Variants in HECTD3 observed in about 807,000 individuals in gnomAD.
HECTD3 encodes the protein E3 ubiquitin-protein ligase HECTD3.
Under a neutral mutation model 109.3 loss-of-function variants are expected in HECTD3, and 72 were observed. The ratio of observed to expected loss-of-function variants is 0.66; its 90% CI spans 0.54 to 0.80. HECTD3 has a LOEUF of 0.80. HECTD3 is among the 30% of genes least tolerant of loss of function. The pLI, the probability that HECTD3 is intolerant of heterozygous loss-of-function variation, is 0.00. For synonymous variants in HECTD3, 481 were observed against 471.8 expected, an observed-to-expected ratio of 1.02 and a Z score of -0.25; for missense variants, 1,041 against 1,165.2, an observed-to-expected ratio of 0.89 and a Z score of 1.55.
chr1:45,003,467 C>T lies in HECTD3; in HGVS notation c.*25G>A, dbSNP rs116477746. On this transcript the variant is annotated 3_prime_UTR_variant, in exon 21 of 21. Coordinates refer to ENST00000372172, the MANE Select transcript of HECTD3 (RefSeq NM_024602.6). This position sits in a 1 kb window ranked among gnomAD's most constrained non-coding sequence, Gnocchi z 4.7. Reference sequence around the variant, plus strand: ...GCCAAGAGGGACACGTGCAGTCTTGCTGGTCCCACAGCCGGCGGCACGCCT... The same window carrying T: ...GCCAAGAGGGACACGTGCAGTCTTGTTGGTCCCACAGCCGGCGGCACGCCT... 545 of 1,608,340 alleles carry T rather than the reference C, an allele frequency of 3.4e-4. 3 individuals are homozygous for T. In the African/African-American group the frequency reaches 5.8e-3, roughly 17 times the overall value.
chr1:45,006,308 ATTTT>A lies in HECTD3; in HGVS notation c.1726-196_1726-193del, dbSNP rs144329171. 1.9e-5 allele frequency: 8 copies of A among 423,866 alleles called. No homozygotes were observed. Among genetic ancestry groups the A allele is most frequent in the East Asian group, 4.1e-5 (1 of 24,528 alleles). The allele number at this position is 423,866 out of a possible 1,614,324, so 26.3% of individuals were successfully genotyped here. ...TCAGTCCCTCCTCTGCCCTATTTCT[ATTTT>A]TTTTTTTTTTTGAGACAGAGTCTCA... On this transcript the variant is annotated intron_variant, in intron 13 of 20. Coordinates refer to ENST00000372172, the MANE Select transcript of HECTD3 (RefSeq NM_024602.6). This position sits in a 1 kb window ranked among gnomAD's most constrained non-coding sequence, Gnocchi z 4.7.
chr1:45,010,633 C>T lies in HECTD3; in HGVS notation c.443G>A (p.Gly148Asp), dbSNP rs374705752. 8.1e-6 allele frequency: 13 copies of T among 1,608,522 alleles called. No homozygotes were observed. Among genetic ancestry groups the T allele is most frequent in the Admixed American group, 3.3e-5 (2 of 59,762 alleles). Residue 148 changes from glycine to aspartate, a missense_variant, in exon 2 of 21, where the codon GGC becomes GAC. Coordinates refer to ENST00000372172, the MANE Select transcript of HECTD3 (RefSeq NM_024602.6). ...GTCGATGGGTACCAGGCGGGCTCCGCCCTCCGCCGGGCGGCACACCAGCAG... is the reference window on the plus strand; with the variant it reads ...GTCGATGGGTACCAGGCGGGCTCCGTCCTCCGCCGGGCGGCACACCAGCAG... ...GWLLVCRPAE[G>D]GARLVPIDTP...
intron 8 of HECTD3, 52 bp downstream of exon 8, chr1:45,008,484 A>C: frequency 6.3e-7 from 1 of 1,589,304 alleles, no homozygotes; most frequent in Non-Finnish European, 8.6e-7. Flanking sequence ...CAGACACACA[A>C]GGCTCAATGT....
In HECTD3 at chr1:45,003,009, A is replaced by G. The variant is rs1452049430; in HGVS notation, c.*483T>C. 1.2e-5 allele frequency: 2 copies of G among 166,184 alleles called. No individual in the cohort carries two copies. Among genetic ancestry groups the G allele is most frequent in the Non-Finnish European group, 2.7e-5 (2 of 75,014 alleles). The allele number at this position is 166,184 out of a possible 1,614,324, so 10.3% of individuals were successfully genotyped here. A position where few individuals can be genotyped will look rare whatever the true frequency, so the allele number is the denominator to read the frequency against. On this transcript the variant is annotated 3_prime_UTR_variant, in exon 21 of 21. Transcript: ENST00000372172. The surrounding 1 kb of genome is among the most constrained non-coding windows in gnomAD (Gnocchi z 4.7). ...TGCTTCCTTCTTGGAGCAGGTGACC[A>G]AGGAGTTTGGCTATCACTCCCTGCC...
chr1:45,010,203 T>G lies in HECTD3; in HGVS notation c.621A>C (p.Leu207=), dbSNP rs752190851. Residue 207 remains leucine (L), a splice_region_variant and synonymous_variant, in exon 3 of 21, where the codon CTA becomes CTC. Transcript: ENST00000372172. ...AEAYAEAVQR[L]LYVPPTWTYE... ...CCACCCCATTCCAGCTCACTCACAG[T>G]AGCCTTTGTACAGCTTCTGCGTATG... 2 of 1,613,964 alleles carry G rather than the reference T, an allele frequency of 1.2e-6. No individual in the cohort carries two copies. Among genetic ancestry groups the G allele is most frequent in the Non-Finnish European group, 1.7e-6 (2 of 1,179,960 alleles).
In HECTD3 at chr1:45,009,979, C is replaced by A. The variant is rs983312162; in HGVS notation, c.759+7G>T. The A allele has an allele frequency of 2.6e-6, 4 of 1,524,546 alleles. No individual in the cohort carries two copies. The highest frequency in any genetic ancestry group is 2.8e-5 in the African/African-American group (2 of 71,930). 94.4% of individuals were successfully genotyped at this position (1,524,546 alleles called of 1,614,324 possible). A position where few individuals can be genotyped will look rare whatever the true frequency, so the allele number is the denominator to read the frequency against. ...TTGCCTGGGGTGGGAGGAGCCCCAG[C>A]ACCCACCGTGTAGGAGGAAACGTCT... On this transcript the variant is annotated splice_region_variant and intron_variant, in intron 4 of 20. Coordinates refer to ENST00000372172, the MANE Select transcript of HECTD3 (RefSeq NM_024602.6).
At position 45,005,977 on chromosome 1, in the gene HECTD3, G is replaced by C. The variant is rs1028545593; in HGVS notation, c.1845+20C>G. The stretch of plus-strand genomic sequence containing the variant: ...AAGGGCCAGGGCTGATCGGACGGGG[G>C]TGTGGATAAGGCTACTCACCAGGAA... On this transcript the variant is annotated intron_variant, in intron 14 of 20. Coordinates refer to ENST00000372172, the MANE Select transcript of HECTD3 (RefSeq NM_024602.6). 9 of 1,612,424 alleles carry C rather than the reference G, an allele frequency of 5.6e-6. No individual in the cohort carries two copies. The highest frequency in any genetic ancestry group is 5.9e-6 in the Non-Finnish European group (7 of 1,178,824).
rs1477727805 is a variant in HECTD3, at chr1:45,009,447, T to C, written c.911A>G (p.Asn304Ser). 2.5e-6 allele frequency: 4 copies of C among 1,614,138 alleles called. No individual in the cohort carries two copies. The highest frequency in any genetic ancestry group is 8.5e-7 in the Non-Finnish European group (1 of 1,179,994). The change falls in exon 6 of 21, where the codon AAC (asparagine) becomes AGC (serine). Residue 304 changes from asparagine (N) to serine (S), a missense_variant. Asn to Ser is a conservative substitution (Grantham distance 46). This residue lies in a region of HECTD3 where 472 missense variants were observed against 449.9 expected (regional missense o/e 1.05). Transcript: ENST00000372172. ...GACCACCACCCGCTTTGGCATAAAG[T>C]TGTCATCTGTGGTATCCACTGTGAG... ...LLLTVDTTDD[N>S]FMPKRVVVYG...
Position 45,003,457 on chromosome 1 carries a change from T to G in HECTD3, c.*35A>C, listed in dbSNP as rs778673234. On this transcript the variant is annotated 3_prime_UTR_variant, in exon 21 of 21. Coordinates refer to ENST00000372172, the MANE Select transcript of HECTD3 (RefSeq NM_024602.6). This position sits in a 1 kb window ranked among gnomAD's most constrained non-coding sequence, Gnocchi z 4.7. The stretch of plus-strand genomic sequence containing the variant: ...CCTGGGCAAGGCCAAGAGGGACACG[T>G]GCAGTCTTGCTGGTCCCACAGCCGG... 1 of 1,590,468 alleles carries G rather than the reference T, an allele frequency of 6.3e-7. No individual in the cohort carries two copies. Among genetic ancestry groups the G allele is most frequent in the Non-Finnish European group, 8.6e-7 (1 of 1,158,912 alleles).
rs200005709 is a variant in HECTD3 at position 45,004,672 on chromosome 1, G to A, written c.2070C>T (p.Val690=). The A allele has an allele frequency of 1.4e-5, 23 of 1,614,052 alleles. No homozygotes were observed. The highest frequency in any genetic ancestry group is 1.3e-4 in the African/African-American group (10 of 74,900). The change falls in exon 16 of 21, where the codon GTC becomes GTT. Residue 690 remains valine, a synonymous_variant. Coordinates refer to ENST00000372172, the MANE Select transcript of HECTD3 (RefSeq NM_024602.6). Reference sequence around the variant, plus strand: ...AACGAGAACGGTCCCCATATCCCACGACGATGCCTGCACCCCCAGGGATCA... The same window carrying A: ...AACGAGAACGGTCCCCATATCCCACAACGATGCCTGCACCCCCAGGGATCA... ...VELIPGGAGI[V]VGYGDRSRFI... is the part of the protein sequence containing the mutation.
At position 45,010,235 on chromosome 1, in the gene HECTD3, C is replaced by T. The variant is rs1644773502; in HGVS notation, c.589G>A (p.Ala197Thr). The T allele has an allele frequency of 6.2e-7, 1 of 1,614,072 alleles. No homozygotes were observed. Among genetic ancestry groups the T allele is most frequent in the Non-Finnish European group, 8.5e-7 (1 of 1,180,020 alleles). The change falls in exon 3 of 21, where the codon GCA becomes ACA. Residue 197 changes from alanine (A) to threonine (T), a missense_variant. Around this residue, in one of 2 missense-constraint regions of HECTD3, gnomAD observed 472 missense variants for 449.9 expected, o/e 1.05. Coordinates refer to ENST00000372172, the MANE Select transcript of HECTD3 (RefSeq NM_024602.6). Reference protein sequence around the residue: ...SHRLGSRPQPAEAYAEAVQRL... With the variant: ...SHRLGSRPQPTEAYAEAVQRL... ...TGTACAGCTTCTGCGTATGCCTCTG[C>T]CGGCTGAGGTCTCGATCCCAGGCGA...
At position 45,010,317 on chromosome 1, in the gene HECTD3, G is replaced by A. The variant is rs200807959; in HGVS notation, c.531-24C>T. ...ACCTGTGGGCACAGAGTAGGGAGTGGGATGGGGAGACATCAGCGGTCAGCA... is the reference window on the plus strand; with the variant it reads ...ACCTGTGGGCACAGAGTAGGGAGTGAGATGGGGAGACATCAGCGGTCAGCA... On this transcript the variant is annotated intron_variant, in intron 2 of 20. Transcript: ENST00000372172. 2.1e-4 allele frequency: 334 copies of A among 1,605,790 alleles called. 1 individual carries two copies. The African/African-American group carries it at 3.8e-3, about 18-fold the overall frequency.
In HECTD3 at chr1:45,006,281, A is replaced by G. The variant is rs1036742686; in HGVS notation, c.1726-165T>C. ...GTCTGCCCAGAGGTTGCCCTGAGCA[A>G]CTCAGTCCCTCCTCTGCCCTATTTC... On this transcript the variant is annotated intron_variant, in intron 13 of 20. Coordinates refer to ENST00000372172, the MANE Select transcript of HECTD3 (RefSeq NM_024602.6). The surrounding 1 kb of genome is among the most constrained non-coding windows in gnomAD (Gnocchi z 4.7). The G allele has an allele frequency of 2.6e-6, 2 of 761,886 alleles. No individual in the cohort carries two copies. The highest frequency in any genetic ancestry group is 3.5e-5 in the African/African-American group (2 of 56,802). The allele number at this position is 761,886 out of a possible 1,614,324, so 47.2% of individuals were successfully genotyped here. A position where few individuals can be genotyped will look rare whatever the true frequency, so the allele number is the denominator to read the frequency against.
Position 45,006,256 on chromosome 1 carries a change from G to T in HECTD3, c.1726-140C>A. Reference sequence around the variant, plus strand: ...ATGCACAGTGGCTCCTCCTCTCCCTGTCTGCCCAGAGGTTGCCCTGAGCAA... The same window carrying T: ...ATGCACAGTGGCTCCTCCTCTCCCTTTCTGCCCAGAGGTTGCCCTGAGCAA... On this transcript the variant is annotated intron_variant, in intron 13 of 20. Transcript: ENST00000372172. The surrounding 1 kb of genome is among the most constrained non-coding windows in gnomAD (Gnocchi z 4.7). 2 of 1,117,062 alleles carry T rather than the reference G, an allele frequency of 1.8e-6. No homozygotes were observed. Among genetic ancestry groups the T allele is most frequent in the Non-Finnish European group, 2.6e-6 (2 of 775,186 alleles). The allele number at this position is 1,117,062 out of a possible 1,614,324, so 69.2% of individuals were successfully genotyped here.
chr1:45,007,156 G>A (rs1569940106), intron 11 of HECTD3, 63 bp downstream of exon 11: 1 of 1,398,100 alleles, frequency 7.2e-7, no homozygotes, highest in South Asian at 1.2e-5. Context: ...GTGTGTGTGT[G>A]TTTGTGTGTG....
chr1:45,009,007 A>T (rs1644759765), intron 7 of HECTD3, 137 bp downstream of exon 7: 4 of 770,722 alleles, frequency 5.2e-6, no homozygotes, highest in Admixed American at 2.1e-5. Flanking sequence ...CAGGCCCCAA[A>T]GCTCCAAATC....
Position 45,004,387 on chromosome 1 carries a change from G to A in HECTD3, c.2143-10C>T. 1 of 1,614,016 alleles carries A rather than the reference G, an allele frequency of 6.2e-7. No homozygotes were observed. The highest frequency in any genetic ancestry group is 1.1e-5 in the South Asian group (1 of 91,072). ...CCTGCATAGCTGCCACCTGGGGAGT[G>A]GGTAAAAAGGCTTGGCTGGGGAAGA... On this transcript the variant is annotated splice_polypyrimidine_tract_variant and intron_variant, in intron 16 of 20. Transcript: ENST00000372172.
chr1:45,009,803 A>T, intron 4 of HECTD3, 120 bp from the exon 5 acceptor site: 1 of 1,058,904 alleles, frequency 9.4e-7, no homozygotes. Flanking sequence ...GGCAACTGGT[A>T]TGGGATAGGG....
At position 45,007,015 on chromosome 1, in the gene HECTD3, C is replaced by T; in HGVS notation, c.1557G>A (p.Arg519=). 6.2e-7 allele frequency: 1 copy of T among 1,614,050 alleles called. No individual in the cohort carries two copies. Among genetic ancestry groups the T allele is most frequent in the East Asian group, 2.2e-5 (1 of 44,884 alleles). The part of the protein sequence containing the change: ...SDKYEKPLDY[R]WPMRYDQWWE... ...ACCACTGGTCATAGCGCATGGGCCA[C>T]CTGCAAAAAACGTGGGCAGATTTGT... The change falls in exon 12 of 21, where the codon AGG becomes AGA. Residue 519 remains arginine, a splice_region_variant and synonymous_variant. Transcript: ENST00000372172.
Sources: gnomAD v4.1 joint callset for allele counts on GRCh38, gnomAD v4.1.1 for gene constraint, gnomAD v4.1.1 regional missense constraint, Gnocchi (gnomAD v3.1) non-coding constraint, MANE v1.5 for transcripts, NCBI Gene and HGNC (gene_info 2026-07-23, HGNC 2026-07-21) for gene names.